Variants in FER observed in about 807,000 individuals in gnomAD.
FER encodes FER tyrosine kinase, also known as tyrosine-protein kinase Fer.
FER carries 63 observed loss-of-function variants against 111.0 expected under a neutral mutation model. That is an observed-to-expected ratio of 0.57 (90% CI 0.46 to 0.70). The LOEUF (loss-of-function observed/expected upper bound fraction) is 0.70, where lower values mean the gene tolerates loss of function less well. Among genes scored for constraint, FER ranks in the 30% least tolerant of loss-of-function variants. FER has a pLI of 0.00. For synonymous variants in FER, 327 were observed against 313.9 expected (o/e 1.04, Z -0.44); for missense variants, 914 against 954.0 (o/e 0.96, Z 0.55).
At chr5:109,014,496 A>T (rs1188510695) in intron 13 of FER, among the ~76,000 whole-genome samples, 1 of 152,062 alleles carries the variant, frequency 6.6e-6, no homozygotes, top group East Asian at 1.9e-4. Flanking sequence ...CTTGTAGTAT[A>T]GTTTGAAGTC....
intron 5 of FER, among the ~76,000 whole-genome samples, chr5:108,861,851 A>G (rs1239262493): frequency 1.3e-5 from 2 of 152,220 alleles, no homozygotes; most frequent in African/African-American, 2.4e-5. Context: ...TGACTTATGT[A>G]TCCTGTATAG....
At chr5:109,030,148 T>A (rs572805569) in intron 13 of FER, among the ~76,000 whole-genome samples, 2 of 152,222 alleles carry the variant, frequency 1.3e-5, no homozygotes, top group Non-Finnish European at 2.9e-5. Flanking sequence ...TTTTTAGTTA[T>A]ATACTTTTTA....
At chr5:108,867,263 G>A (rs1302858456) in intron 5 of FER, among the ~76,000 whole-genome samples, 2 of 152,124 alleles carry the variant, frequency 1.3e-5, no homozygotes, top group Non-Finnish European at 2.9e-5. Flanking sequence ...AAAAAGGAAG[G>A]TGAGAGGAAG....
intron 13 of FER, among the ~76,000 whole-genome samples, chr5:108,985,302 C>T (rs1258797337): frequency 1.3e-5 from 2 of 152,054 alleles, no homozygotes; most frequent in Non-Finnish European, 2.9e-5. Context: ...TGGACCATAA[C>T]GGGATGATAT....
At chr5:109,067,630 A>G (rs1179727323) in intron 16 of FER, among the ~76,000 whole-genome samples, 1 of 151,986 alleles carries the variant, frequency 6.6e-6, no homozygotes, top group Non-Finnish European at 1.5e-5. Flanking sequence ...TTCCTCCTTG[A>G]TAATTAGTTT....
intron 13 of FER, among the ~76,000 whole-genome samples, chr5:109,007,068 AT>A (rs35218166): frequency 6.6e-6 from 1 of 152,214 alleles, no homozygotes; most frequent in South Asian, 2.1e-4. Flanking sequence ...TTGAGGCATT[AT>A]TTTTTAGATG....
intron 16 of FER, among the ~76,000 whole-genome samples, chr5:109,082,512 C>A (rs1055274732): frequency 6.6e-6 from 1 of 151,996 alleles, no homozygotes; most frequent in Non-Finnish European, 1.5e-5. Context: ...TTAATACTTA[C>A]ATTATTATTA....
chr5:108,920,932 A>G (rs914932428), intron 10 of FER, among the ~76,000 whole-genome samples: 1 of 152,084 alleles, frequency 6.6e-6, no homozygotes, highest in African/African-American at 2.4e-5. Flanking sequence ...GTCCTCATCC[A>G]TCACACTCCA....
At chr5:108,847,951 G>A (rs1194449301) in intron 5 of FER, among the ~76,000 whole-genome samples, 3 of 151,956 alleles carry the variant, frequency 2.0e-5, no homozygotes, top group African/African-American at 7.3e-5. Context: ...GTGGTGGTGC[G>A]ATCATAGCTC....
In FER at chr5:108,836,389, T is replaced by C. The variant is rs537022256; in HGVS notation, c.481+582T>C. On this transcript the variant is annotated intron_variant, in intron 5 of 19. Coordinates refer to ENST00000281092, the MANE Select transcript of FER (RefSeq NM_005246.4). ...TGTATCTAAATTTTGAAATGTTAGATTTCAGTAAAGACTAAGCATAGTTTA... is the reference window on the plus strand; with the variant it reads ...TGTATCTAAATTTTGAAATGTTAGACTTCAGTAAAGACTAAGCATAGTTTA... Among the ~76,000 whole-genome samples the C allele has an allele frequency of 3.3e-5, 5 of 152,258 alleles. No individual in the cohort carries two copies. The East Asian group carries it at 7.7e-4, about 23-fold the overall frequency.
intron 10 of FER, among the ~76,000 whole-genome samples, chr5:108,903,463 G>A (rs1229161226): frequency 2.6e-5 from 4 of 152,110 alleles, no homozygotes; most frequent in South Asian, 2.1e-4. Flanking sequence ...TCAGGAGTTC[G>A]AGACCAGCCT....
intron 5 of FER, among the ~76,000 whole-genome samples, chr5:108,839,668 C>T (rs986567650): frequency 6.6e-6 from 1 of 150,580 alleles, no homozygotes; most frequent in Non-Finnish European, 1.5e-5. Flanking sequence ...AGCTCCGCCT[C>T]CCAGATTCAC....
At chr5:108,819,619 C>T (rs185465588) in intron 3 of FER, among the ~76,000 whole-genome samples, 6 of 152,162 alleles carry the variant, frequency 3.9e-5, no homozygotes, top group Admixed American at 3.9e-4. Context: ...AGTGAAGCCC[C>T]AGTATGTAAA....
intron 1 of FER, among the ~76,000 whole-genome samples, chr5:108,754,631 A>G (rs1750883973): frequency 6.6e-6 from 1 of 152,208 alleles, no homozygotes; most frequent in African/African-American, 2.4e-5. Context: ...GAATAACTTA[A>G]TGAACATGTA....
chr5:108,956,651 A>G (rs1453853619), intron 12 of FER, among the ~76,000 whole-genome samples: 1 of 151,638 alleles, frequency 6.6e-6, no homozygotes, highest in Admixed American at 6.6e-5. Context: ...TCTGTTAAAG[A>G]TGAGAACATT....
intron 13 of FER, among the ~76,000 whole-genome samples, chr5:109,034,906 A>T (rs1356404007): frequency 6.6e-6 from 1 of 152,120 alleles, no homozygotes; most frequent in African/African-American, 2.4e-5. Flanking sequence ...AGAACTGCTA[A>T]TCAAATGGAA....
At chr5:108,888,178 C>G (rs537621795) in intron 9 of FER, among the ~76,000 whole-genome samples, 26 of 151,860 alleles carry the variant, frequency 1.7e-4, no homozygotes, top group African/African-American at 5.3e-4. Flanking sequence ...TTTTGAAATT[C>G]AGGAACCTTA....
intron 13 of FER, among the ~76,000 whole-genome samples, chr5:109,025,143 C>G (rs921803825): frequency 7.2e-5 from 11 of 151,832 alleles, no homozygotes; most frequent in Non-Finnish European, 1.3e-4. Flanking sequence ...GTAGTTTTTT[C>G]CAATTCTGTG....
intron 17 of FER, among the ~76,000 whole-genome samples, chr5:109,147,780 C>CAT (rs145167406): frequency 0.09 from 12,566 of 139,586 alleles, 618 homozygotes; most frequent in Admixed American, 0.12. Flanking sequence ...CACACACATA[C>CAT]ATATATATAT....
Sources: gnomAD v4.1 joint callset for allele counts (sites outside exome capture counted in the v4.1 genomes callset) on GRCh38, gnomAD v4.1.1 for gene constraint, MANE v1.5 for transcripts, NCBI Gene and HGNC (gene_info 2026-07-23, HGNC 2026-07-21) for gene names.